PCDH11Y: variants seen among roughly 807,000 people sequenced by gnomAD.
The protein encoded by PCDH11Y is protocadherin-11 Y-linked.
For missense variants in PCDH11Y, 12 were observed against 224.8 expected (o/e 0.05, Z 6.05); for synonymous variants, 9 against 83.6 (o/e 0.11, Z 4.87).
intron 2 of PCDH11Y, among the ~76,000 whole-genome samples, chrY:5,249,352 T>C: frequency 3.1e-5 from 1 of 31,947 alleles, no homozygotes; most frequent in Non-Finnish European, 7.6e-5. Flanking sequence ...GACTTCAAAC[T>C]ATACTACAAG....
intron 4 of PCDH11Y, among the ~76,000 whole-genome samples, chrY:5,663,454 T>G (rs1602957608): frequency 5.9e-5 from 2 of 33,636 alleles, no homozygotes; most frequent in East Asian, 1.6e-3. Flanking sequence ...GCAAAATGCC[T>G]TAACGAAATG....
intron 2 of PCDH11Y, among the ~76,000 whole-genome samples, chrY:5,370,382 G>A: frequency 3.3e-5 from 1 of 30,183 alleles, no homozygotes; most frequent in Non-Finnish European, 7.9e-5. Context: ...AAATTACTTT[G>A]CTTTATAAAT....
At chrY:5,190,119 A>G (rs2052910574) in intron 2 of PCDH11Y, among the ~76,000 whole-genome samples, 2 of 32,610 alleles carry the variant, frequency 6.1e-5, no homozygotes, top group African/African-American at 1.2e-4. Flanking sequence ...ATTAGAGGCC[A>G]TGTACATTAG....
chrY:5,378,707 T>G, intron 2 of PCDH11Y, among the ~76,000 whole-genome samples: 2 of 33,329 alleles, frequency 6.0e-5, no homozygotes, highest in Non-Finnish European at 7.4e-5. Flanking sequence ...TCAAGGAAAT[T>G]TAAAGTTTTG....
At chrY:5,403,997 A>G (rs2053236243) in intron 2 of PCDH11Y, among the ~76,000 whole-genome samples, 1 of 33,413 alleles carries the variant, frequency 3.0e-5, no homozygotes, top group East Asian at 8.0e-4. Flanking sequence ...TTTACTGTGT[A>G]GACTCAGTAA....
At chrY:5,242,774 G>A in intron 2 of PCDH11Y, among the ~76,000 whole-genome samples, 1 of 33,198 alleles carries the variant, frequency 3.0e-5, no homozygotes, top group Admixed American at 2.8e-4. Flanking sequence ...TGATACCAGA[G>A]TTTGTTTTTC....
At chrY:5,407,784 G>C in intron 2 of PCDH11Y, among the ~76,000 whole-genome samples, 5 of 31,047 alleles carry the variant, frequency 1.6e-4, no homozygotes, top group Non-Finnish European at 3.9e-4. Flanking sequence ...GCGTGGTGGC[G>C]GGCGCCTGTA....
chrY:5,269,710 G>A, intron 2 of PCDH11Y, among the ~76,000 whole-genome samples: 2 of 32,999 alleles, frequency 6.1e-5, no homozygotes, highest in African/African-American at 2.3e-4. Flanking sequence ...AATGAATTAG[G>A]CACAACTGTA....
chrY:5,654,279 G>T, intron 4 of PCDH11Y, among the ~76,000 whole-genome samples: 1 of 33,616 alleles, frequency 3.0e-5, no homozygotes. Context: ...TACACTGTTG[G>T]TTGCAATGTA....
At chrY:5,493,631 C>A in intron 2 of PCDH11Y, among the ~76,000 whole-genome samples, 1 of 32,815 alleles carries the variant, frequency 3.0e-5, no homozygotes, top group Non-Finnish European at 7.5e-5. Context: ...GTTCTGAAAA[C>A]CATAACAAAT....
At chrY:5,471,913 C>A (rs2053314273) in intron 2 of PCDH11Y, among the ~76,000 whole-genome samples, 1 of 32,614 alleles carries the variant, frequency 3.1e-5, no homozygotes, top group Admixed American at 2.8e-4. Flanking sequence ...CATTTTAATG[C>A]GCAAAATATT....
At chrY:5,430,971 C>G in intron 2 of PCDH11Y, among the ~76,000 whole-genome samples, 1 of 32,053 alleles carries the variant, frequency 3.1e-5, no homozygotes, top group South Asian at 7.0e-4. Flanking sequence ...AAAAACCAAG[C>G]AACTTCCTTT....
Position 5,478,735 on chromosome Y carries a change from A to C in PCDH11Y, c.3130-22322A>C. 1.3e-4 allele frequency among the ~76,000 whole-genome samples: 4 copies of C among 31,748 alleles called. No homozygotes were observed. The East Asian group carries it at 3.3e-3, about 27-fold the overall frequency. The allele number at this position is 31,748 out of a possible 37,273, so 85.2% of individuals were successfully genotyped here. A position where few individuals can be genotyped will look rare whatever the true frequency, so the allele number is the denominator to read the frequency against. Reference sequence around the variant, plus strand: ...GGTGCATTTATATTTAGGGTAGTTAACTCTTCTTGTTGCATTGATCCCTTT... The same window carrying C: ...GGTGCATTTATATTTAGGGTAGTTACCTCTTCTTGTTGCATTGATCCCTTT... On this transcript the variant is annotated intron_variant, in intron 2 of 4. Transcript: ENST00000400457.
intron 1 of PCDH11Y, among the ~76,000 whole-genome samples, chrY:5,082,639 G>A (rs2052723178): frequency 6.1e-5 from 2 of 33,055 alleles, no homozygotes; most frequent in African/African-American, 1.2e-4. Context: ...GGAACTTATC[G>A]ATTTCTTCTA....
chrY:5,516,750 G>A (rs2053373230), intron 3 of PCDH11Y, among the ~76,000 whole-genome samples: 1 of 32,922 alleles, frequency 3.0e-5, no homozygotes, highest in African/African-American at 1.2e-4. Context: ...TAAATATCTC[G>A]TTTAGTCTGC....
chrY:5,598,114 TC>T (rs2053469431), intron 4 of PCDH11Y, among the ~76,000 whole-genome samples: 15 of 32,286 alleles, frequency 4.6e-4, no homozygotes, highest in African/African-American at 1.8e-3. Flanking sequence ...ATATTCATTT[TC>T]ATACATTTAT....
chrY:5,109,323 C>T (rs1602869203), downstream of PCDH11Y, among the ~76,000 whole-genome samples: 9 of 33,366 alleles, frequency 2.7e-4, no homozygotes, highest in South Asian at 5.8e-3. Flanking sequence ...TTTTATTGTA[C>T]GTGTGATACA....
intron 4 of PCDH11Y, among the ~76,000 whole-genome samples, chrY:5,645,742 C>G: frequency 3.9e-5 from 1 of 25,759 alleles, no homozygotes; most frequent in Admixed American, 4.0e-4. Context: ...AAAAAGTGCT[C>G]AGCATCATTG....
At chrY:5,677,410 C>T in intron 4 of PCDH11Y, among the ~76,000 whole-genome samples, 1 of 31,658 alleles carries the variant, frequency 3.2e-5, no homozygotes, top group Non-Finnish European at 7.7e-5. Flanking sequence ...GAATATGCAG[C>T]ATTCAAAACA....
Sources: allele counts gnomAD v4.1 joint callset (sites outside exome capture counted in the v4.1 genomes callset), GRCh38; gene constraint gnomAD v4.1.1; transcripts MANE v1.5; gene names NCBI Gene and HGNC (gene_info 2026-07-23, HGNC 2026-07-21).